B3GALT1: variants seen among roughly 807,000 people sequenced by gnomAD.
B3GALT1 encodes UDP-Gal:betaGlcNAc beta 1,3-galactosyltransferase, polypeptide 1.
B3GALT1 carries 10 observed loss-of-function variants against 23.2 expected under a neutral mutation model. The ratio of observed to expected loss-of-function variants is 0.43; its 90% CI spans 0.27 to 0.73. The LOEUF (loss-of-function observed/expected upper bound fraction) is 0.73, where lower values mean the gene tolerates loss of function less well. Ranked by LOEUF, B3GALT1 falls within the 30% of genes least tolerant of loss-of-function variation. The pLI is 0.21. For synonymous variants in B3GALT1, 156 were observed against 141.5 expected, an observed-to-expected ratio of 1.10 and a Z score of -0.73; for missense variants, 299 against 405.4, an observed-to-expected ratio of 0.74 and a Z score of 2.25.
chr2:167,665,900 T>C (rs898080690), intron 3 of B3GALT1, among the ~76,000 whole-genome samples: 1 of 151,864 alleles, frequency 6.6e-6, no homozygotes. Flanking sequence ...TTGTTGATCC[T>C]TTCAGAAAAC....
chr2:167,715,427 C>T, intron 3 of B3GALT1: 1 of 1,609,548 alleles, frequency 6.2e-7, no homozygotes, highest in Non-Finnish European at 8.5e-7. Flanking sequence ...AGAATTTTCA[C>T]TCAAAGCATC....
intron 3 of B3GALT1, among the ~76,000 whole-genome samples, chr2:167,731,507 C>G (rs1574235271): frequency 6.6e-6 from 1 of 152,156 alleles, no homozygotes; most frequent in African/African-American, 2.4e-5. Context: ...CACTTTGAGC[C>G]TTGTGTGAGT....
chr2:167,866,541 A>G (rs1407047823), intron 4 of B3GALT1, among the ~76,000 whole-genome samples: 1 of 152,246 alleles, frequency 6.6e-6, no homozygotes, highest in African/African-American at 2.4e-5. Context: ...CAAGAGTTGA[A>G]TGAAGGCTTA....
chr2:167,412,641 T>C (rs1294857443), intron 1 of B3GALT1, among the ~76,000 whole-genome samples: 7 of 152,156 alleles, frequency 4.6e-5, no homozygotes, highest in Non-Finnish European at 8.8e-5. Flanking sequence ...AATGAGAGTA[T>C]AAGTTGGTAC....
At chr2:167,557,493 A>G (rs1358826532) in intron 2 of B3GALT1, among the ~76,000 whole-genome samples, 1 of 152,168 alleles carries the variant, frequency 6.6e-6, no homozygotes, top group African/African-American at 2.4e-5. Flanking sequence ...GAAACATGAT[A>G]TCTTGGATTT....
At chr2:167,756,337 G>A (rs897789901) in intron 3 of B3GALT1, among the ~76,000 whole-genome samples, 3 of 152,146 alleles carry the variant, frequency 2.0e-5, no homozygotes, top group Non-Finnish European at 4.4e-5. Flanking sequence ...GAGCCAAAGG[G>A]ACAAACATTT....
intron 1 of B3GALT1, among the ~76,000 whole-genome samples, chr2:167,363,235 C>T (rs561222563): frequency 1.1e-4 from 16 of 151,584 alleles, no homozygotes; most frequent in Admixed American, 6.6e-5. Flanking sequence ...AGACTTCTGA[C>T]GCACGCCTCT....
intron 1 of B3GALT1, among the ~76,000 whole-genome samples, chr2:167,303,682 C>CACACACACACACACACAGAGAGAG (rs535369991): frequency 3.4e-5 from 5 of 148,832 alleles, no homozygotes; most frequent in African/African-American, 1.2e-4. Flanking sequence ...CACACACACA[C>CACACACACACACACACAGAGAGAG]AGAGAGAGAC....
chr2:167,344,834 A>G (rs1697204431), intron 1 of B3GALT1, among the ~76,000 whole-genome samples: 1 of 152,170 alleles, frequency 6.6e-6, no homozygotes, highest in African/African-American at 2.4e-5. Flanking sequence ...AGTGAATGTC[A>G]TAGCCAGATT....
intron 1 of B3GALT1, among the ~76,000 whole-genome samples, chr2:167,466,089 C>G (rs1432190883): frequency 6.6e-6 from 1 of 152,164 alleles, no homozygotes; most frequent in East Asian, 1.9e-4. Flanking sequence ...CCTATAAATG[C>G]AACCTCATGC....
At chr2:167,355,333 G>A (rs767999333) in intron 1 of B3GALT1, among the ~76,000 whole-genome samples, 6 of 152,198 alleles carry the variant, frequency 3.9e-5, no homozygotes, top group African/African-American at 4.8e-5. Context: ...TGCAGAAACA[G>A]AATTGACAAA....
intron 3 of B3GALT1, among the ~76,000 whole-genome samples, chr2:167,692,265 C>T (rs150693705): frequency 1.5e-3 from 226 of 152,246 alleles, no homozygotes; most frequent in African/African-American, 5.2e-3. Context: ...TCCTGCTCTG[C>T]TTGCACTTTT....
intron 2 of B3GALT1, among the ~76,000 whole-genome samples, chr2:167,632,062 G>A (rs1272718143): frequency 3.3e-5 from 5 of 151,598 alleles, no homozygotes; most frequent in East Asian, 1.9e-4. Flanking sequence ...TTCTCTTCCC[G>A]TGTTAGTTTG....
chr2:167,760,448 CAA>C (rs2105297298), intron 3 of B3GALT1, among the ~76,000 whole-genome samples: 1 of 152,206 alleles, frequency 6.6e-6, no homozygotes, highest in African/African-American at 2.4e-5. Flanking sequence ...GTCACAGCAG[CAA>C]TCGTCCTCTG....
intron 2 of B3GALT1, among the ~76,000 whole-genome samples, chr2:167,539,259 T>TAA (rs554247615): frequency 4.0e-5 from 6 of 148,206 alleles, no homozygotes; most frequent in African/African-American, 7.4e-5. Flanking sequence ...TTTTTCTATT[T>TAA]AAAAAAAAAA....
At position 167,521,987 on chromosome 2, in the gene B3GALT1, T is replaced by TATATATATATATATACAC. The variant is rs1700195262; in HGVS notation, c.-410+31725_-410+31726insCACATATATATATATATA. Among the ~76,000 whole-genome samples, 5 of 114,134 alleles carry TATATATATATATATACAC rather than the reference T, an allele frequency of 4.4e-5. No individual in the cohort carries two copies. In the South Asian group the frequency reaches 1.4e-3, roughly 31 times the overall value. 74.9% of individuals were successfully genotyped at this position (114,134 alleles called of 152,430 possible). ...ACATATATGTGTGTGTGTGTGTGTA[T>TATATATATATATATACAC]ATATATATATATATATATACACATA... On this transcript the variant is annotated intron_variant, in intron 2 of 4. Coordinates refer to ENST00000392690, the MANE Select transcript of B3GALT1 (RefSeq NM_020981.4).
At chr2:167,593,978 A>G (rs1179419828) in intron 2 of B3GALT1, among the ~76,000 whole-genome samples, 1 of 152,240 alleles carries the variant, frequency 6.6e-6, no homozygotes, top group Admixed American at 6.5e-5. Context: ...ACAAAAACAC[A>G]GAAGCCTAGA....
intron 2 of B3GALT1, among the ~76,000 whole-genome samples, chr2:167,571,891 A>G (rs1684299628): frequency 6.6e-6 from 1 of 151,926 alleles, no homozygotes; most frequent in South Asian, 2.1e-4. Context: ...TATGGAAACA[A>G]TCAGTGAAAG....
intron 3 of B3GALT1, among the ~76,000 whole-genome samples, chr2:167,660,671 C>A (rs1179711164): frequency 6.6e-6 from 1 of 152,120 alleles, no homozygotes; most frequent in African/African-American, 2.4e-5. Flanking sequence ...CTCACTGTCA[C>A]TAGAAGGTGT....
Sources: gnomAD v4.1 joint callset for allele counts (sites outside exome capture counted in the v4.1 genomes callset) on GRCh38, gnomAD v4.1.1 for gene constraint, MANE v1.5 for transcripts, NCBI Gene and HGNC (gene_info 2026-07-23, HGNC 2026-07-21) for gene names.